Variants in LAMB4 observed in about 807,000 individuals in gnomAD.
The protein encoded by LAMB4 is laminin subunit beta 4, also known as laminin subunit beta-4.
LAMB4 carries 196 observed loss-of-function variants against 199.2 expected under a neutral mutation model. The ratio of observed to expected loss-of-function variants is 0.98; its 90% CI spans 0.88 to 1.11. The LOEUF is 1.11. Among genes scored for constraint, LAMB4 ranks in the 50% least tolerant of loss-of-function variants. The probability of loss-of-function intolerance (pLI) is 0.00; values close to 1 mark genes in which losing one functional copy is unlikely to be tolerated. For missense variants in LAMB4, 2,080 were observed against 2,171.2 expected (o/e 0.96, Z 0.83); for synonymous variants, 744 against 770.6 (o/e 0.97, Z 0.57).
intron 17 of LAMB4, among the ~76,000 whole-genome samples, chr7:108,074,589 G>C (rs2036635664): frequency 6.6e-6 from 1 of 152,060 alleles, no homozygotes; most frequent in African/African-American, 2.4e-5. Flanking sequence ...GTCTGGTCTT[G>C]AATACCTGGC....
intron 31 of LAMB4, among the ~76,000 whole-genome samples, chr7:108,033,735 ATTTTT>A (rs556578520): frequency 1.8e-4 from 18 of 102,060 alleles, no homozygotes; most frequent in South Asian, 1.3e-3. Context: ...TTGGATGAGT[ATTTTT>A]TTTTTTTTTT....
downstream of LAMB4, among the ~76,000 whole-genome samples, chr7:108,022,680 A>C (rs1357501182): frequency 6.6e-6 from 1 of 152,138 alleles, no homozygotes; most frequent in South Asian, 2.1e-4. Context: ...TCCTGTAGAA[A>C]AGTTTCTTTC....
rs754749456 is a variant in LAMB4, at chr7:108,111,859, C to T, written c.280G>A (p.Val94Ile). Residue 94 changes from valine (V) to isoleucine (I), a missense_variant, in exon 4 of 34, where the codon GTA (valine) becomes ATA (isoleucine). Physicochemically the swap from Val to Ile is conservative, Grantham distance 29 (BLOSUM62 3). Coordinates refer to ENST00000388781, the MANE Select transcript of LAMB4 (RefSeq NM_007356.3). ...PNSHTIENVIVSFEPDREKKW... is the reference protein window; with the variant it reads ...PNSHTIENVIISFEPDREKKW... ...TTTTCTCTGTCTGGTTCAAAACTTA[C>T]AATGACATTCTCAATGGTGTGGCTG... is the stretch of plus-strand genomic sequence containing the variant. 7 of 1,611,926 alleles carry T rather than the reference C, an allele frequency of 4.3e-6. No individual in the cohort carries two copies. Among genetic ancestry groups the T allele is most frequent in the Non-Finnish European group, 5.9e-6 (7 of 1,179,092 alleles).
At chr7:108,028,515 C>T (rs1471758032) in intron 33 of LAMB4, among the ~76,000 whole-genome samples, 2 of 131,870 alleles carry the variant, frequency 1.5e-5, no homozygotes, top group African/African-American at 5.8e-5. Flanking sequence ...CTCACTCTGT[C>T]ACCCAGGCTG....
chr7:108,037,511 G>A lies in LAMB4; in HGVS notation c.4556C>T (p.Thr1519Ile). ...TTTCTGTATTTTGACAAGTTCATCG[G>A]TTAGATTTTGGGATGGAATTGGTAG... ...IHLPIPSQNLTDELVKIQKHM... is the reference protein window; with the variant it reads ...IHLPIPSQNLIDELVKIQKHM... Residue 1519 changes from threonine (T) to isoleucine (I), a missense_variant, in exon 30 of 34, where the codon ACC (threonine) becomes ATC (isoleucine). Transcript: ENST00000388781. The A allele has an allele frequency of 6.2e-7, 1 of 1,614,058 alleles. No individual in the cohort carries two copies. Among genetic ancestry groups the A allele is most frequent in the Non-Finnish European group, 8.5e-7 (1 of 1,179,956 alleles).
chr7:108,034,548 C>G (rs78883502), intron 30 of LAMB4, among the ~76,000 whole-genome samples: 1 of 152,084 alleles, frequency 6.6e-6, no homozygotes, highest in African/African-American at 2.4e-5. Flanking sequence ...ACCCCACACA[C>G]GTATATATTC....
At chr7:108,039,105 A>T (rs1338147190) in intron 29 of LAMB4, among the ~76,000 whole-genome samples, 1 of 152,098 alleles carries the variant, frequency 6.6e-6, no homozygotes, top group Non-Finnish European at 1.5e-5. Flanking sequence ...AACTGAGAGA[A>T]TTACAGGAGC....
Position 108,090,077 on chromosome 7 carries a change from T to C in LAMB4, c.1701+1549A>G, listed in dbSNP as rs571643061. On this transcript the variant is annotated intron_variant, in intron 14 of 33. Coordinates refer to ENST00000388781, the MANE Select transcript of LAMB4 (RefSeq NM_007356.3). The stretch of plus-strand genomic sequence containing the variant: ...CTTACCTAACCTCTCTAATGTTTTT[T>C]CCTCATCTGGGAATTAGGGATAATA... Among the ~76,000 whole-genome samples the C allele has an allele frequency of 2.0e-5, 3 of 152,294 alleles. No individual in the cohort carries two copies. In the South Asian group the frequency reaches 6.2e-4, roughly 32 times the overall value.
intron 17 of LAMB4, among the ~76,000 whole-genome samples, chr7:108,070,319 G>A (rs910446331): frequency 3.9e-5 from 6 of 152,284 alleles, no homozygotes; most frequent in African/African-American, 1.4e-4. Context: ...AGTTTCCATA[G>A]CCCTTTACTT....
intron 29 of LAMB4, among the ~76,000 whole-genome samples, chr7:108,043,347 A>G (rs915920682): frequency 6.6e-6 from 1 of 152,106 alleles, no homozygotes; most frequent in African/African-American, 2.4e-5. Flanking sequence ...CTTTAAACAC[A>G]AAGTTCATGT....
intron 14 of LAMB4, among the ~76,000 whole-genome samples, chr7:108,089,387 T>C (rs931387261): frequency 2.0e-5 from 3 of 152,252 alleles, no homozygotes; most frequent in Non-Finnish European, 2.9e-5. Context: ...CCTGTGACTA[T>C]ACCTGCCTTG....
At position 108,079,687 on chromosome 7, in the gene LAMB4, C is replaced by T; in HGVS notation, c.1801G>A (p.Val601Ile). 2 of 1,613,124 alleles carry T rather than the reference C, an allele frequency of 1.2e-6. No homozygotes were observed. The highest frequency in any genetic ancestry group is 1.6e-4 in the Middle Eastern group (1 of 6,062). Residue 601 changes from valine (V) to isoleucine (I), a missense_variant, in exon 15 of 34, where the codon GTT (valine) becomes ATT (isoleucine). Coordinates refer to ENST00000388781, the MANE Select transcript of LAMB4 (RefSeq NM_007356.3). ...VTWTGPGFAR[V>I]LPGAGLRFAV... is the part of the protein sequence containing the mutation. ...AATCTCAAGCCAGCCCCAGGGAGAA[C>T]CCTGGCAAATCCAGGTCCAGTCCAT...
intron 17 of LAMB4, among the ~76,000 whole-genome samples, chr7:108,072,929 G>A (rs769943929): frequency 4.9e-4 from 75 of 152,222 alleles, no homozygotes; most frequent in Non-Finnish European, 9.4e-4. Context: ...ATAATTTACA[G>A]CTCTTGGTCT....
At chr7:108,070,940 C>G (rs983214151) in intron 17 of LAMB4, among the ~76,000 whole-genome samples, 1 of 152,178 alleles carries the variant, frequency 6.6e-6, no homozygotes, top group African/African-American at 2.4e-5. Context: ...CTTCCTACTA[C>G]CTGCCTCCCA....
intron 12 of LAMB4, among the ~76,000 whole-genome samples, chr7:108,093,340 C>T (rs1426011199): frequency 6.6e-6 from 1 of 152,210 alleles, no homozygotes; most frequent in East Asian, 1.9e-4. Flanking sequence ...GCTGGGATTA[C>T]AGGCATGAGC....
Position 108,107,742 on chromosome 7 carries a change from T to G in LAMB4, c.480A>C (p.Ala160=), listed in dbSNP as rs571010054. 1.9e-6 allele frequency: 3 copies of G among 1,613,986 alleles called. No homozygotes were observed. The highest frequency in any genetic ancestry group is 2.5e-6 in the Non-Finnish European group (3 of 1,179,946). ...GHNWKVFKYF[A]KDCATSFPNI... The stretch of plus-strand genomic sequence containing the variant: ...TAGGAAAGGAAGTGGCACAGTCTTT[T>G]GCAAAATATTTGAACACTTTCCAGT... The change falls in exon 6 of 34, where the codon GCA becomes GCC. Residue 160 remains alanine (A), a synonymous_variant. Transcript: ENST00000388781.
chr7:108,066,262 C>T, intron 20 of LAMB4, 107 bp downstream of exon 20: 2 of 827,770 alleles, frequency 2.4e-6, no homozygotes, highest in South Asian at 1.7e-5. Flanking sequence ...TAACAGTCCT[C>T]CCTCCCACAC....
At chr7:108,060,806 G>A (rs1584657385) in intron 23 of LAMB4, among the ~76,000 whole-genome samples, 1 of 152,236 alleles carries the variant, frequency 6.6e-6, no homozygotes. Context: ...CAAATCTCCA[G>A]TGCAGAAGAA....
At chr7:108,074,178 A>G (rs1322091738) in intron 17 of LAMB4, among the ~76,000 whole-genome samples, 1 of 152,016 alleles carries the variant, frequency 6.6e-6, no homozygotes, top group Non-Finnish European at 1.5e-5. Context: ...AATAAATCAC[A>G]TCTACCTGAG....
Sources: allele counts gnomAD v4.1 joint callset (sites outside exome capture counted in the v4.1 genomes callset), GRCh38; gene constraint gnomAD v4.1.1; transcripts MANE v1.5; gene names NCBI Gene and HGNC (gene_info 2026-07-23, HGNC 2026-07-21).